NUP153: variants seen among roughly 807,000 people sequenced by gnomAD.
NUP153 encodes the protein nucleoporin 153.
Under a neutral mutation model 134.6 loss-of-function variants are expected in NUP153, and 27 were observed. The ratio of observed to expected loss-of-function variants is 0.20; its 90% CI spans 0.15 to 0.28. The LOEUF (loss-of-function observed/expected upper bound fraction) is 0.28. Ranked by LOEUF, NUP153 falls within the 10% of genes least tolerant of loss-of-function variation. NUP153 has a pLI of 1.00. For missense variants in NUP153, 1,821 were observed against 1,731.3 expected, an observed-to-expected ratio of 1.05 and a Z score of -0.92; for synonymous variants, 640 against 623.5, an observed-to-expected ratio of 1.03 and a Z score of -0.40.
chr6:17,699,694 G>A (rs1769922865), intron 1 of NUP153, among the ~76,000 whole-genome samples: 1 of 151,826 alleles, frequency 6.6e-6, no homozygotes, highest in African/African-American at 2.4e-5. Flanking sequence ...AAATAGCCAG[G>A]CGTGGTGGCA....
chr6:17,616,745 TTTTG>T lies in NUP153; in HGVS notation c.4175-54_4175-51del, dbSNP rs145609362. The T allele has an allele frequency of 3.0e-3, 4,656 of 1,549,344 alleles. 73 individuals are homozygous for T. In the African/African-American group the frequency reaches 0.037, roughly 12 times the overall value. ...TTCATTAGGGCAAAATGATAGGTTTTTTTGTTTGTTTGTTTGTTTTTTGAGACGG... is the reference window on the plus strand; with the variant it reads ...TTCATTAGGGCAAAATGATAGGTTTTTTTGTTTGTTTGTTTTTTGAGACGG... On this transcript the variant is annotated intron_variant, in intron 20 of 21. Transcript: ENST00000262077.
At chr6:17,703,641 C>T (rs556390215) in intron 1 of NUP153, among the ~76,000 whole-genome samples, 99 of 146,324 alleles carry the variant, frequency 6.8e-4, no homozygotes, top group African/African-American at 2.4e-3. Flanking sequence ...AAAGAAAGTC[C>T]TTATTTTTAA....
chr6:17,655,972 AG>A (rs1766792407), intron 11 of NUP153, among the ~76,000 whole-genome samples: 1 of 152,130 alleles, frequency 6.6e-6, no homozygotes, highest in South Asian at 2.1e-4. Context: ...TGGGAGGCCA[AG>A]GTGGGTGGAT....
At chr6:17,688,346 T>C (rs763981309) in intron 2 of NUP153, 50 bp downstream of exon 2, 1 of 1,422,306 alleles carries the variant, frequency 7.0e-7, no homozygotes, top group African/African-American at 1.4e-5. Context: ...TCTTCAAAAT[T>C]AGGGCATGAA....
chr6:17,639,066 CT>C (rs1290358310), intron 15 of NUP153, among the ~76,000 whole-genome samples: 1 of 151,828 alleles, frequency 6.6e-6, no homozygotes, highest in Non-Finnish European at 1.5e-5. Flanking sequence ...TTCTTTTATT[CT>C]TTTTTTCTTT....
chr6:17,647,587 T>C (rs1276063007), intron 13 of NUP153, among the ~76,000 whole-genome samples: 1 of 152,238 alleles, frequency 6.6e-6, no homozygotes, highest in Non-Finnish European at 1.5e-5. Flanking sequence ...GTTGTTTGCA[T>C]TTTAACTTTC....
At chr6:17,658,637 A>C (rs1465873323) in intron 11 of NUP153, among the ~76,000 whole-genome samples, 1 of 152,210 alleles carries the variant, frequency 6.6e-6, no homozygotes, top group Non-Finnish European at 1.5e-5. Flanking sequence ...TTCTATGGTC[A>C]TTCACCATTT....
At chr6:17,673,107 G>A (rs1345565864) in intron 5 of NUP153, among the ~76,000 whole-genome samples, 5 of 152,078 alleles carry the variant, frequency 3.3e-5, no homozygotes, top group African/African-American at 9.7e-5. Context: ...GGTGGCTCAC[G>A]CCTGTAATCC....
Position 17,615,045 on chromosome 6 carries a change from A to C in NUP153, c.*1052T>G, listed in dbSNP as rs943265104. The stretch of plus-strand genomic sequence containing the variant: ...AAAACTAGAACAAAAAGTATGTCAT[A>C]ATTTTTTATTGATGGCATTTATCCC... On this transcript the variant is annotated 3_prime_UTR_variant, in exon 22 of 22. Coordinates refer to ENST00000262077, the MANE Select transcript of NUP153 (RefSeq NM_005124.4). This position sits in a 1 kb window ranked among gnomAD's most constrained non-coding sequence, Gnocchi z 5.7. 1 of 152,622 alleles carries C rather than the reference A, an allele frequency of 6.6e-6. No homozygotes were observed. Among genetic ancestry groups the C allele is most frequent in the Admixed American group, 6.5e-5 (1 of 15,280 alleles). 9.5% of individuals were successfully genotyped at this position (152,622 alleles called of 1,614,324 possible). A position where few individuals can be genotyped will look rare whatever the true frequency, so the allele number is the denominator to read the frequency against.
At chr6:17,691,949 C>T (rs1769302388) in intron 1 of NUP153, among the ~76,000 whole-genome samples, 1 of 152,168 alleles carries the variant, frequency 6.6e-6, no homozygotes, top group Non-Finnish European at 1.5e-5. Flanking sequence ...TACAGGCCGA[C>T]TACCACATCC....
At chr6:17,692,061 T>C (rs924156208) in intron 1 of NUP153, among the ~76,000 whole-genome samples, 26 of 152,214 alleles carry the variant, frequency 1.7e-4, no homozygotes, top group Non-Finnish European at 3.1e-4. Context: ...CTGTGATCCC[T>C]ATCCATCTGG....
rs1324949238 is a variant in NUP153 at position 17,616,330 on chromosome 6, AACAC to A, written c.4344-153_4344-150del. Reference sequence around the variant, plus strand: ...GGTATATACATTTTCTGCTACACCTAACACACACGCTACTGTTATTTTTTTCTCA... The same window carrying A: ...GGTATATACATTTTCTGCTACACCTAACACGCTACTGTTATTTTTTTCTCA... On this transcript the variant is annotated intron_variant, in intron 21 of 21. Transcript: ENST00000262077. 9.7e-6 allele frequency: 7 copies of A among 723,108 alleles called. No homozygotes were observed. The African/African-American group carries it at 1.2e-4, about 13-fold the overall frequency. 44.8% of individuals were successfully genotyped at this position (723,108 alleles called of 1,614,324 possible).
intron 1 of NUP153, among the ~76,000 whole-genome samples, chr6:17,695,336 T>C (rs1769567688): frequency 6.6e-6 from 1 of 152,200 alleles, no homozygotes; most frequent in Non-Finnish European, 1.5e-5. Context: ...GCTCTTGAAT[T>C]TGATTCTTCT....
intron 1 of NUP153, among the ~76,000 whole-genome samples, chr6:17,703,683 T>C (rs1351956852): frequency 6.6e-6 from 1 of 152,056 alleles, no homozygotes; most frequent in Non-Finnish European, 1.5e-5. Flanking sequence ...GAGTATTCTT[T>C]TGAATATACC....
intron 20 of NUP153, among the ~76,000 whole-genome samples, chr6:17,618,562 CTTT>C (rs34236407): frequency 0.052 from 6,952 of 133,358 alleles, 383 homozygotes; most frequent in East Asian, 0.29. Flanking sequence ...TAAAATCTCT[CTTT>C]TTTTTTTTTT....
chr6:17,682,528 G>A (rs373172405), intron 2 of NUP153, among the ~76,000 whole-genome samples: 29 of 152,218 alleles, frequency 1.9e-4, no homozygotes, highest in South Asian at 1.0e-3. Context: ...CTCAAATTTC[G>A]CTGCTGCTTT....
intron 1 of NUP153, among the ~76,000 whole-genome samples, chr6:17,694,767 A>T (rs1288703492): frequency 6.6e-6 from 1 of 152,108 alleles, no homozygotes; most frequent in African/African-American, 2.4e-5. Flanking sequence ...TCACGAGGTC[A>T]GAAGTTCAAG....
At chr6:17,636,579 A>C (rs779725005) in intron 16 of NUP153, among the ~76,000 whole-genome samples, 2 of 152,118 alleles carry the variant, frequency 1.3e-5, no homozygotes, top group Non-Finnish European at 2.9e-5. Context: ...ACCATCATCC[A>C]CTTCTGGATG....
intron 1 of NUP153, among the ~76,000 whole-genome samples, chr6:17,689,256 G>A (rs913486463): frequency 6.6e-6 from 1 of 151,806 alleles, no homozygotes; most frequent in Non-Finnish European, 1.5e-5. Flanking sequence ...GCATGGTGGC[G>A]CATGCCTATA....
Sources: allele counts gnomAD v4.1 joint callset (sites outside exome capture counted in the v4.1 genomes callset), GRCh38; gene constraint gnomAD v4.1.1; non-coding constraint Gnocchi (gnomAD v3.1); transcripts MANE v1.5; gene names NCBI Gene and HGNC (gene_info 2026-07-23, HGNC 2026-07-21).